Variants in FRMD4A observed in about 807,000 individuals in gnomAD.
FRMD4A encodes FERM domain containing 4A.
FRMD4A carries 29 observed loss-of-function variants against 129.1 expected under a neutral mutation model. The observed-to-expected ratio is 0.22, with a 90% CI of 0.17 to 0.31. The LOEUF (loss-of-function observed/expected upper bound fraction) is 0.31, where lower values mean the gene tolerates loss of function less well. Ranked by LOEUF, FRMD4A falls within the 10% of genes least tolerant of loss-of-function variation. The pLI is 1.00. For synonymous variants in FRMD4A, 634 were observed against 571.6 expected (o/e 1.11, Z -1.56); for missense variants, 1,272 against 1,375.8 (o/e 0.92, Z 1.19).
Position 13,714,045 on chromosome 10 carries a change from T to A in FRMD4A, c.760-6932A>T, listed in dbSNP as rs1456423241. Among the ~76,000 whole-genome samples, 8 of 15,378 alleles carry A rather than the reference T, an allele frequency of 5.2e-4. 2 individuals carry two copies. Among genetic ancestry groups the A allele is most frequent in the African/African-American group, 1.5e-3 (5 of 3,364 alleles). The allele number at this position is 15,378 out of a possible 152,430, so 10.1% of individuals were successfully genotyped here. On this transcript the variant is annotated intron_variant, in intron 12 of 24. Transcript: ENST00000357447. ...AAATATACATATATATATATATATA[T>A]ATATATATATATATAAAATATACTT...
At chr10:14,033,088 C>A (rs1403897937) in intron 2 of FRMD4A, among the ~76,000 whole-genome samples, 3 of 152,146 alleles carry the variant, frequency 2.0e-5, no homozygotes, top group African/African-American at 4.8e-5. Context: ...GGGCGGATCA[C>A]CTGAGGTCAG....
intron 2 of FRMD4A, among the ~76,000 whole-genome samples, chr10:13,952,943 C>T (rs1286159112): frequency 6.6e-6 from 1 of 152,098 alleles, no homozygotes; most frequent in East Asian, 1.9e-4. Context: ...ATGATCCACC[C>T]GCCTCAGCCT....
intron 2 of FRMD4A, among the ~76,000 whole-genome samples, chr10:14,146,773 G>T (rs995937083): frequency 2.0e-5 from 3 of 152,152 alleles, no homozygotes; most frequent in African/African-American, 7.2e-5. Context: ...GGACAACCAT[G>T]AATTAAGTAC....
At chr10:13,909,436 T>A (rs1028229286) in intron 2 of FRMD4A, among the ~76,000 whole-genome samples, 1 of 152,256 alleles carries the variant, frequency 6.6e-6, no homozygotes, top group East Asian at 1.9e-4. Context: ...ACACCCACAG[T>A]ACCTTTCTGT....
chr10:14,172,289 T>C (rs1246127987), intron 2 of FRMD4A, among the ~76,000 whole-genome samples: 1 of 152,186 alleles, frequency 6.6e-6, no homozygotes, highest in Non-Finnish European at 1.5e-5. Context: ...ATGTTTAAAC[T>C]TTGGTAGGAC....
At chr10:13,699,143 C>T (rs955550042) in intron 14 of FRMD4A, among the ~76,000 whole-genome samples, 41 of 150,624 alleles carry the variant, frequency 2.7e-4, no homozygotes, top group African/African-American at 9.5e-4. Context: ...GCAACCTCTG[C>T]CTCCTGGGTT....
intron 2 of FRMD4A, among the ~76,000 whole-genome samples, chr10:14,035,680 G>A (rs908569629): frequency 6.6e-6 from 1 of 152,114 alleles, no homozygotes; most frequent in East Asian, 1.9e-4. Flanking sequence ...GAGCACAAGA[G>A]GATCCCAGCC....
At chr10:13,906,292 C>A (rs1405703808) in intron 2 of FRMD4A, among the ~76,000 whole-genome samples, 1 of 152,130 alleles carries the variant, frequency 6.6e-6, no homozygotes, top group East Asian at 1.9e-4. Flanking sequence ...GGTGTTTAAT[C>A]CACTTTCCTG....
chr10:14,230,774 C>G (rs1405811456), intron 2 of FRMD4A, among the ~76,000 whole-genome samples: 1 of 152,154 alleles, frequency 6.6e-6, no homozygotes, highest in Non-Finnish European at 1.5e-5. Flanking sequence ...TCCGTTGTCA[C>G]CCTCCTTCCA....
In FRMD4A at chr10:13,707,024, T is replaced by C. The variant is rs1407612968; in HGVS notation, c.836+13A>G. 1 of 1,467,778 alleles carries C rather than the reference T, an allele frequency of 6.8e-7. No individual in the cohort carries two copies. The highest frequency in any genetic ancestry group is 2.3e-5 in the East Asian group (1 of 44,134). 90.9% of individuals were successfully genotyped at this position (1,467,778 alleles called of 1,614,324 possible). On this transcript the variant is annotated intron_variant, in intron 13 of 24. Transcript: ENST00000357447. ...CCACGCCATCCCGCAAGAAAAGGAC[T>C]TTTCAAGCTTACCTGCGTGGGTCAT...
intron 2 of FRMD4A, among the ~76,000 whole-genome samples, chr10:14,112,894 T>C (rs1187232605): frequency 2.6e-5 from 4 of 152,152 alleles, no homozygotes; most frequent in Non-Finnish European, 4.4e-5. Flanking sequence ...CTTCCCTCAA[T>C]GTGTGTAATT....
intron 2 of FRMD4A, among the ~76,000 whole-genome samples, chr10:14,273,144 C>A (rs1244177152): frequency 6.6e-6 from 1 of 151,914 alleles, no homozygotes; most frequent in Non-Finnish European, 1.5e-5. Flanking sequence ...GTGGTCCCAG[C>A]TACTCAGGAA....
chr10:14,177,381 G>A (rs973344927), intron 2 of FRMD4A, among the ~76,000 whole-genome samples: 5 of 151,870 alleles, frequency 3.3e-5, no homozygotes, highest in African/African-American at 7.3e-5. Flanking sequence ...CTATGTTGGC[G>A]GGGCTGGTCT....
intron 2 of FRMD4A, among the ~76,000 whole-genome samples, chr10:14,291,613 A>T (rs1459807012): frequency 6.6e-6 from 1 of 152,164 alleles, no homozygotes; most frequent in Non-Finnish European, 1.5e-5. Flanking sequence ...ATTCACGATA[A>T]AAATAAACAA....
At chr10:14,161,555 C>G (rs1356247869) in intron 2 of FRMD4A, among the ~76,000 whole-genome samples, 1 of 151,986 alleles carries the variant, frequency 6.6e-6, no homozygotes, top group Non-Finnish European at 1.5e-5. Flanking sequence ...ATGAAATAAG[C>G]CAGGCACAGA....
In FRMD4A at chr10:14,000,953, A is replaced by G. The variant is rs554232016; in HGVS notation, c.46-142041T>C. ...TAGGATGTGCCAGGAATATGGACCC[A>G]ACTTTCAAGGAGCCTAAATAGTTTT... is the stretch of plus-strand genomic sequence containing the variant. On this transcript the variant is annotated intron_variant, in intron 2 of 24. Transcript: ENST00000357447. Among the ~76,000 whole-genome samples the G allele has an allele frequency of 3.3e-5, 5 of 152,326 alleles. 1 individual carries two copies. The South Asian group carries it at 1.0e-3, about 32-fold the overall frequency.
chr10:13,744,293 T>C (rs2091178298), intron 9 of FRMD4A, among the ~76,000 whole-genome samples: 1 of 152,128 alleles, frequency 6.6e-6, no homozygotes, highest in Non-Finnish European at 1.5e-5. Flanking sequence ...TCCTGATCCC[T>C]CCTTGTTCTG....
At chr10:13,823,899 C>T (rs1389496258) in intron 3 of FRMD4A, among the ~76,000 whole-genome samples, 6 of 152,146 alleles carry the variant, frequency 3.9e-5, no homozygotes, top group African/African-American at 1.4e-4. Context: ...CAGCCACTTG[C>T]TACTTTTCCA....
chr10:14,066,755 C>G (rs1056800882), intron 2 of FRMD4A, among the ~76,000 whole-genome samples: 3 of 151,958 alleles, frequency 2.0e-5, no homozygotes, highest in Non-Finnish European at 4.4e-5. Flanking sequence ...AGCAAATAAC[C>G]TAGCATAAAA....
Sources: gnomAD v4.1 joint callset for allele counts (sites outside exome capture counted in the v4.1 genomes callset) on GRCh38, gnomAD v4.1.1 for gene constraint, MANE v1.5 for transcripts, NCBI Gene and HGNC (gene_info 2026-07-23, HGNC 2026-07-21) for gene names.